The following ZRANB2 variants were observed in gnomAD, a reference collection of about 807,000 sequenced individuals.
ZRANB2 encodes the protein zinc finger RANBP2-type containing 2, also known as zinc finger Ran-binding domain-containing protein 2.
In ZRANB2, 19 loss-of-function variants were observed where a neutral mutation model predicts 53.4. That is an observed-to-expected ratio of 0.36 (90% CI 0.25 to 0.52). ZRANB2 has a LOEUF of 0.52. Ranked by LOEUF, ZRANB2 falls within the 20% of genes least tolerant of loss-of-function variation. The pLI is 0.93. For missense variants in ZRANB2, 309 were observed against 401.1 expected, an observed-to-expected ratio of 0.77 and a Z score of 1.96; for synonymous variants, 145 against 134.8, an observed-to-expected ratio of 1.08 and a Z score of -0.52.
intron 9 of ZRANB2, among the ~76,000 whole-genome samples, 190 bp from the exon 10 acceptor site, chr1:71,065,327 T>C (rs746763386): frequency 6.6e-6 from 1 of 152,066 alleles, no homozygotes; most frequent in Non-Finnish European, 1.5e-5. Flanking sequence ...CCAGTTATCA[T>C]ATAAATACAA....
rs1661388068 is a variant in ZRANB2 at position 71,065,003 on chromosome 1, A to C, written c.*71T>G. On this transcript the variant is annotated 3_prime_UTR_variant, in exon 10 of 10. Coordinates refer to ENST00000370920, the MANE Select transcript of ZRANB2 (RefSeq NM_203350.3). ...CAGATTTAGCACTTCTGACCAAGTA[A>C]GACACCAACTTCTTTAAAAATATGC... The C allele has an allele frequency of 2.6e-6, 3 of 1,146,016 alleles. No homozygotes were observed. The highest frequency in any genetic ancestry group is 3.8e-6 in the Non-Finnish European group (3 of 784,610). 71.0% of individuals were successfully genotyped at this position (1,146,016 alleles called of 1,614,324 possible). A position where few individuals can be genotyped will look rare whatever the true frequency, so the allele number is the denominator to read the frequency against.
chr1:71,078,261 A>T (rs1661753807), intron 3 of ZRANB2, among the ~76,000 whole-genome samples, 196 bp downstream of exon 3: 1 of 152,218 alleles, frequency 6.6e-6, no homozygotes, highest in African/African-American at 2.4e-5. Flanking sequence ...AGTGACAACT[A>T]TTACCATTAA....
chr1:71,077,499 C>A (rs189935353), intron 3 of ZRANB2, among the ~76,000 whole-genome samples: 15 of 152,318 alleles, frequency 9.8e-5, no homozygotes, highest in Admixed American at 9.8e-4. Context: ...GTGACCAAAT[C>A]TGTAGCTGGA....
At chr1:71,071,130 A>G in intron 6 of ZRANB2, 134 bp from the exon 7 acceptor site, 2 of 720,044 alleles carry the variant, frequency 2.8e-6, no homozygotes, top group Non-Finnish European at 4.0e-6. Context: ...TCTGAATTCT[A>G]AAATTCACCT....
At chr1:71,072,314 T>G in intron 5 of ZRANB2, 59 bp from the exon 6 acceptor site, 1 of 1,503,704 alleles carries the variant, frequency 6.7e-7, no homozygotes, top group Non-Finnish European at 9.0e-7. Flanking sequence ...CTTAATACAT[T>G]TTCTAAAAAA....
At chr1:71,075,153 G>T (rs79917829) in intron 4 of ZRANB2, among the ~76,000 whole-genome samples, 49 of 152,058 alleles carry the variant, frequency 3.2e-4, no homozygotes, top group Middle Eastern at 3.4e-3. Context: ...ATCAAAATGG[G>T]TTTTTTAAAA....
intron 9 of ZRANB2, 188 bp downstream of exon 9, chr1:71,066,588 T>C: frequency 2.2e-6 from 1 of 463,744 alleles, no homozygotes; most frequent in Non-Finnish European, 3.7e-6. Flanking sequence ...TGGTTTGATC[T>C]ACAATTCTAA....
intron 9 of ZRANB2, 23 bp from the exon 10 acceptor site, chr1:71,065,160 T>G (rs377326726): frequency 1.9e-6 from 3 of 1,570,844 alleles, no homozygotes; most frequent in Admixed American, 1.7e-5. Flanking sequence ...ATGGAGAGAG[T>G]AGGCATTCTA....
chr1:71,071,254 T>C (rs1661588359), intron 6 of ZRANB2, among the ~76,000 whole-genome samples: 1 of 152,128 alleles, frequency 6.6e-6, no homozygotes, highest in Non-Finnish European at 1.5e-5. Context: ...CCAAGAATTT[T>C]CAAGTCCACC....
At chr1:71,076,595 T>G (rs948923925) in intron 4 of ZRANB2, among the ~76,000 whole-genome samples, 200 bp downstream of exon 4, 26 of 152,208 alleles carry the variant, frequency 1.7e-4, no homozygotes, top group Non-Finnish European at 3.7e-4. Flanking sequence ...TAAAGGTCCC[T>G]AACACTGTTA....
At chr1:71,078,805 A>T (rs1385615841) in intron 1 of ZRANB2, 97 bp from the exon 2 acceptor site, 16 of 1,052,984 alleles carry the variant, frequency 1.5e-5, no homozygotes, top group African/African-American at 3.2e-5. Flanking sequence ...ATAACTTCTA[A>T]TCCATCTTAG....
intron 4 of ZRANB2, among the ~76,000 whole-genome samples, chr1:71,073,023 A>C (rs965671162): frequency 1.3e-5 from 2 of 152,194 alleles, no homozygotes; most frequent in Non-Finnish European, 2.9e-5. Context: ...AAAATTCCTA[A>C]TTACACAGAC....
chr1:71,072,602 A>T (rs1378000874), intron 4 of ZRANB2, 54 bp from the exon 5 acceptor site: 4 of 1,370,606 alleles, frequency 2.9e-6, no homozygotes, highest in East Asian at 4.6e-5. Flanking sequence ...TAAATAATAA[A>T]CACATCATGC....
intron 4 of ZRANB2, among the ~76,000 whole-genome samples, chr1:71,075,961 A>G (rs1003099406): frequency 6.6e-6 from 1 of 152,124 alleles, no homozygotes; most frequent in Non-Finnish European, 1.5e-5. Flanking sequence ...GCTAGGTCGA[A>G]AAGATTGAAC....
At chr1:71,080,865 G>A (rs1289877793) in intron 1 of ZRANB2, 75 bp downstream of exon 1, 7 of 1,561,278 alleles carry the variant, frequency 4.5e-6, no homozygotes, top group Non-Finnish European at 6.2e-6. Flanking sequence ...TCATAAAAAA[G>A]GAAAATGCCG....
intron 1 of ZRANB2, 103 bp downstream of exon 1, chr1:71,080,837 G>T: frequency 1.4e-6 from 2 of 1,406,838 alleles, no homozygotes; most frequent in East Asian, 2.3e-5. Context: ...GCCTCAACCC[G>T]TCTTAAGGCA....
chr1:71,065,883 T>C, intron 9 of ZRANB2: 1 of 1,314,726 alleles, frequency 7.6e-7, no homozygotes, highest in Non-Finnish European at 1.0e-6. Context: ...AACAGAGTAA[T>C]TTTTTTTACA....
At chr1:71,068,712 G>C (rs543092657) in intron 8 of ZRANB2, among the ~76,000 whole-genome samples, 2 of 152,060 alleles carry the variant, frequency 1.3e-5, no homozygotes, top group Admixed American at 1.3e-4. Flanking sequence ...GACCTGTTTT[G>C]AGGCAGGGTT....
Position 71,070,989 on chromosome 1 carries a change from T to A in ZRANB2, c.521A>T (p.Asp174Val), listed in dbSNP as rs750223884. ...LSKYKLDEDE[D>V]EDDADLSKYN... ...TTTTGAGAGATCAGCGTCATCTTCA[T>A]CCTCATCCTAACAAAAATTCAATTA... The change falls in exon 7 of 10, where the codon GAT becomes GTT. Residue 174 changes from aspartate (D) to valine (V), a missense_variant. Asp to Val is a radical substitution (Grantham distance 152, BLOSUM62 -3). Around this residue, in one of 3 missense-constraint regions of ZRANB2, gnomAD observed 211 missense variants for 196.1 expected, o/e 1.08. Coordinates refer to ENST00000370920, the MANE Select transcript of ZRANB2 (RefSeq NM_203350.3). 1 of 1,562,558 alleles carries A rather than the reference T, an allele frequency of 6.4e-7. No individual in the cohort carries two copies. Among genetic ancestry groups the A allele is most frequent in the Non-Finnish European group, 8.6e-7 (1 of 1,158,646 alleles).
Sources: allele counts gnomAD v4.1 joint callset (sites outside exome capture counted in the v4.1 genomes callset), GRCh38; gene constraint gnomAD v4.1.1; regional missense constraint gnomAD v4.1.1; transcripts MANE v1.5; gene names NCBI Gene and HGNC (gene_info 2026-07-23, HGNC 2026-07-21).